WDR93: variants seen among roughly 807,000 people sequenced by gnomAD.
The protein encoded by WDR93 is WD repeat-containing protein 93.
In WDR93, 73 loss-of-function variants were observed where a neutral mutation model predicts 82.9. The observed-to-expected ratio is 0.88, with a 90% CI of 0.73 to 1.07. The LOEUF is 1.07. WDR93 is among the 50% of genes least tolerant of loss of function. The pLI is 0.00. For missense variants in WDR93, 738 were observed against 826.0 expected (o/e 0.89, Z 1.31); for synonymous variants, 283 against 300.1 (o/e 0.94, Z 0.59).
Position 89,729,742 on chromosome 15 carries a change from C to A in WDR93, c.1183C>A (p.Leu395Ile). 6.2e-7 allele frequency: 1 copy of A among 1,613,694 alleles called. No homozygotes were observed. The highest frequency in any genetic ancestry group is 2.2e-5 in the East Asian group (1 of 44,856). Residue 395 changes from leucine (L) to isoleucine (I), a missense_variant, in exon 11 of 17, where the codon CTA (leucine) becomes ATA (isoleucine). Coordinates refer to ENST00000268130, the MANE Select transcript of WDR93 (RefSeq NM_020212.2). ...TRSHNFFLYS[L>I]NRTLKDKADP... Reference sequence around the variant, plus strand: ...AAGTCACAATTTCTTCCTGTATTCACTAAACCGAACTCTAAAGGATAAAGC... The same window carrying A: ...AAGTCACAATTTCTTCCTGTATTCAATAAACCGAACTCTAAAGGATAAAGC...
Position 89,737,739 on chromosome 15 carries a change from G to C in WDR93, c.1765+10G>C. On this transcript the variant is annotated intron_variant, in intron 15 of 16. Transcript: ENST00000268130. ...TGTTTCCTGCTCCGAGGTACAGAAA[G>C]GGACCAGGGCTGATGCCCACTGACC... 6.2e-7 allele frequency: 1 copy of C among 1,614,110 alleles called. No individual in the cohort carries two copies. Among genetic ancestry groups the C allele is most frequent in the East Asian group, 2.2e-5 (1 of 44,876 alleles).
intron 4 of WDR93, among the ~76,000 whole-genome samples, chr15:89,708,741 G>T (rs931229995): frequency 6.6e-6 from 1 of 152,214 alleles, no homozygotes; most frequent in African/African-American, 2.4e-5. Flanking sequence ...GGTCGCAAAT[G>T]TTACAGGCCC....
Position 89,735,563 on chromosome 15 carries a change from C to T in WDR93, c.1608+10C>T. The stretch of plus-strand genomic sequence containing the variant: ...AGCCTTACCTGGCATGGTAGGTTCC[C>T]CATGCCTCTCTGTAAATGCCCCATG... On this transcript the variant is annotated intron_variant, in intron 14 of 16. Transcript: ENST00000268130. 1.2e-6 allele frequency: 2 copies of T among 1,613,552 alleles called. No homozygotes were observed. Among genetic ancestry groups the T allele is most frequent in the South Asian group, 1.1e-5 (1 of 91,076 alleles).
At chr15:89,719,142 T>A (rs1199705214) in intron 7 of WDR93, among the ~76,000 whole-genome samples, 1 of 152,122 alleles carries the variant, frequency 6.6e-6, no homozygotes, top group African/African-American at 2.4e-5. Flanking sequence ...GGCTGGAATG[T>A]AATGGCATGA....
rs1966840579 is a variant in WDR93, at chr15:89,729,099, T to C, written c.1123+6T>C. 6.2e-7 allele frequency: 1 copy of C among 1,613,554 alleles called. No homozygotes were observed. The highest frequency in any genetic ancestry group is 8.5e-7 in the Non-Finnish European group (1 of 1,179,646). Reference sequence around the variant, plus strand: ...GGAAGTCAAGGGCCCCTCAGGTAAATGAACATGAAGTGGGTGGTTGTCCTA... The same window carrying C: ...GGAAGTCAAGGGCCCCTCAGGTAAACGAACATGAAGTGGGTGGTTGTCCTA... On this transcript the variant is annotated splice_donor_region_variant and intron_variant, in intron 10 of 16. Transcript: ENST00000268130.
intron 1 of WDR93, among the ~76,000 whole-genome samples, chr15:89,697,687 C>G (rs188041982): frequency 9.9e-5 from 15 of 152,242 alleles, no homozygotes; most frequent in Non-Finnish European, 2.1e-4. Context: ...TCTGTATCCT[C>G]ACAGATTTTT....
At chr15:89,703,555 C>T (rs567663331) in intron 3 of WDR93, 8 of 205,008 alleles carry the variant, frequency 3.9e-5, no homozygotes, top group Non-Finnish European at 6.9e-5. Context: ...ATGAACCAGG[C>T]CTCCATGAGG....
At chr15:89,712,394 A>ATATTTT (rs1177405888) in intron 5 of WDR93, among the ~76,000 whole-genome samples, 20 of 61,704 alleles carry the variant, frequency 3.2e-4, no homozygotes, top group African/African-American at 1.5e-3. Flanking sequence ...TTTTCCACTA[A>ATATTTT]TCTTTTTTTT....
At chr15:89,695,607 C>T (rs1239369546) in intron 1 of WDR93, among the ~76,000 whole-genome samples, 1 of 152,042 alleles carries the variant, frequency 6.6e-6, no homozygotes, top group East Asian at 1.9e-4. Context: ...TTGTTATTGC[C>T]AGTACATAGA....
chr15:89,722,846 C>T (rs1380971493), intron 8 of WDR93, among the ~76,000 whole-genome samples: 1 of 121,824 alleles, frequency 8.2e-6, no homozygotes, highest in Non-Finnish European at 1.8e-5. Flanking sequence ...CTAGTAGTTA[C>T]GATTAAAAAA....
chr15:89,690,728 C>T (rs1389673207), upstream of WDR93: 3 of 855,998 alleles, frequency 3.5e-6, no homozygotes, highest in Non-Finnish European at 5.5e-6. Flanking sequence ...CCAGGTTATC[C>T]GCTGAGGGGG....
At chr15:89,690,575 A>T, upstream of WDR93, 2 of 1,550,832 alleles carry the variant, frequency 1.3e-6, no homozygotes, top group Non-Finnish European at 1.7e-6. Flanking sequence ...CACCTGACTC[A>T]CCTGAAGAGT....
chr15:89,702,179 A>G (rs1327686367), intron 2 of WDR93, 130 bp downstream of exon 2: 3 of 1,052,312 alleles, frequency 2.9e-6, no homozygotes, highest in Non-Finnish European at 2.7e-6. Context: ...TTGAAAGATT[A>G]GAAGCATGCT....
chr15:89,729,735 G>A lies in WDR93; in HGVS notation c.1176G>A (p.Leu392=), dbSNP rs1966843476. The A allele has an allele frequency of 6.2e-7, 1 of 1,613,230 alleles. No individual in the cohort carries two copies. ...GGACCAGAAGTCACAATTTCTTCCT[G>A]TATTCACTAAACCGAACTCTAAAGG... The part of the protein sequence containing the change: ...IHWTRSHNFF[L]YSLNRTLKDK... Residue 392 remains leucine (L), a synonymous_variant, in exon 11 of 17, where the codon CTG becomes CTA. Coordinates refer to ENST00000268130, the MANE Select transcript of WDR93 (RefSeq NM_020212.2).
At chr15:89,702,751 C>G (rs1029479715) in intron 2 of WDR93, among the ~76,000 whole-genome samples, 199 bp from the exon 3 acceptor site, 1 of 152,048 alleles carries the variant, frequency 6.6e-6, no homozygotes, top group African/African-American at 2.4e-5. Flanking sequence ...GTTGGCCAGG[C>G]TAGTCTCGAA....
intron 3 of WDR93, chr15:89,704,251 C>T (rs957483899): frequency 2.0e-5 from 3 of 151,796 alleles, no homozygotes; most frequent in Non-Finnish European, 2.9e-5. Flanking sequence ...TTGCTTGAAC[C>T]CAGGAGGCGG....
chr15:89,719,916 C>T (rs1966445658), intron 7 of WDR93, among the ~76,000 whole-genome samples: 1 of 152,004 alleles, frequency 6.6e-6, no homozygotes, highest in Non-Finnish European at 1.5e-5. Flanking sequence ...TTCTCTGCCT[C>T]AGCCTCCCGA....
intron 8 of WDR93, among the ~76,000 whole-genome samples, chr15:89,723,690 A>G (rs1368813690): frequency 6.6e-6 from 1 of 152,256 alleles, no homozygotes; most frequent in Admixed American, 6.5e-5. Context: ...AGACCAAAAC[A>G]GACCCAGGCA....
intron 13 of WDR93, among the ~76,000 whole-genome samples, chr15:89,733,895 CTCA>C (rs576513166): frequency 5.8e-4 from 88 of 152,344 alleles, no homozygotes; most frequent in African/African-American, 2.1e-3. Context: ...CAAGAAGAGG[CTCA>C]TTTCTCCCAC....
Sources: gnomAD v4.1 joint callset for allele counts (sites outside exome capture counted in the v4.1 genomes callset) on GRCh38, gnomAD v4.1.1 for gene constraint, MANE v1.5 for transcripts, NCBI Gene and HGNC (gene_info 2026-07-23, HGNC 2026-07-21) for gene names.